The following CDH13 variants were observed in gnomAD, a reference collection of about 807,000 sequenced individuals.
CDH13 encodes the protein cadherin-13.
A neutral mutation model predicts 63.8 loss-of-function variants in CDH13; 24 were observed. The ratio of observed to expected loss-of-function variants is 0.38; its 90% CI spans 0.27 to 0.53. CDH13 has a LOEUF of 0.53. Among genes scored for constraint, CDH13 ranks in the 20% least tolerant of loss-of-function variants. The probability of loss-of-function intolerance (pLI) is 0.85; values close to 1 mark genes in which losing one functional copy is unlikely to be tolerated. For missense variants in CDH13, 1,049 were observed against 903.1 expected, an observed-to-expected ratio of 1.16 and a Z score of -2.07; for synonymous variants, 503 against 355.3, an observed-to-expected ratio of 1.42 and a Z score of -4.67.
intron 1 of CDH13, among the ~76,000 whole-genome samples, chr16:82,817,553 C>T (rs1333983363): frequency 6.6e-6 from 1 of 152,226 alleles, no homozygotes; most frequent in East Asian, 1.9e-4. Context: ...CCTGTAACTC[C>T]AGCACTTTGG....
At chr16:82,937,704 A>G (rs1156415562) in intron 2 of CDH13, among the ~76,000 whole-genome samples, 1 of 152,214 alleles carries the variant, frequency 6.6e-6, no homozygotes, top group Non-Finnish European at 1.5e-5. Flanking sequence ...CATTTTTTCT[A>G]TGAACCAAAT....
intron 13 of CDH13, among the ~76,000 whole-genome samples, chr16:83,788,921 C>T (rs1017291627): frequency 1.3e-5 from 2 of 152,132 alleles, no homozygotes; most frequent in Non-Finnish European, 2.9e-5. Context: ...ACAGTAGTTT[C>T]AGCCCCCAAA....
In CDH13 at chr16:83,309,718, C is replaced by G. The variant is rs534063995; in HGVS notation, c.637-35144C>G. Among the ~76,000 whole-genome samples, 4 of 152,338 alleles carry G rather than the reference C, an allele frequency of 2.6e-5. No individual in the cohort carries two copies. In the South Asian group the frequency reaches 8.3e-4, roughly 32 times the overall value. The stretch of plus-strand genomic sequence containing the variant: ...GAATGTCCTGTTGCAATCCTTAGAG[C>G]ACCTGTACTCAGGGTATGGAAGCAC... On this transcript the variant is annotated intron_variant, in intron 5 of 13. Transcript: ENST00000567109.
At chr16:83,186,130 ATTTTATTTTAT>A (rs1160111248) in intron 4 of CDH13, among the ~76,000 whole-genome samples, 3 of 144,396 alleles carry the variant, frequency 2.1e-5, no homozygotes, top group African/African-American at 7.7e-5. Context: ...ATTTTATTTT[ATTTTATTTTAT>A]TTTATTTTAT....
chr16:83,435,471 G>T (rs559254658), intron 6 of CDH13, among the ~76,000 whole-genome samples: 1 of 152,030 alleles, frequency 6.6e-6, no homozygotes, highest in African/African-American at 2.4e-5. Context: ...CTCTGATGTG[G>T]TCCAGCCCTG....
chr16:83,719,863 T>G (rs1043139367), intron 10 of CDH13, among the ~76,000 whole-genome samples: 1 of 152,148 alleles, frequency 6.6e-6, no homozygotes, highest in Non-Finnish European at 1.5e-5. Flanking sequence ...GGGGCAGAAT[T>G]TCCCTGGTCT....
Position 83,201,679 on chromosome 16 carries a change from C to T in CDH13, c.484-15666C>T, listed in dbSNP as rs190173928. ...TTGGGAGGCTGAGGCGGGCAGGTCA[C>T]GAGGTCAGGAGATCGAGACCATCCC... is the stretch of plus-strand genomic sequence containing the variant. On this transcript the variant is annotated intron_variant, in intron 4 of 13. Transcript: ENST00000567109. Among the ~76,000 whole-genome samples, 8 of 151,172 alleles carry T rather than the reference C, an allele frequency of 5.3e-5. No homozygotes were observed. The East Asian group carries it at 5.8e-4, about 11-fold the overall frequency.
intron 6 of CDH13, among the ~76,000 whole-genome samples, chr16:83,425,532 C>T (rs1428795947): frequency 6.6e-6 from 1 of 152,256 alleles, no homozygotes; most frequent in Non-Finnish European, 1.5e-5. Context: ...CCATAACTCC[C>T]CTTTTAGCTC....
intron 1 of CDH13, among the ~76,000 whole-genome samples, chr16:82,728,246 G>A (rs1262088937): frequency 1.3e-5 from 2 of 152,070 alleles, no homozygotes; most frequent in Non-Finnish European, 2.9e-5. Context: ...TCCTTCAATG[G>A]CACCCCATTT....
At chr16:83,108,537 C>G (rs764004866) in intron 3 of CDH13, among the ~76,000 whole-genome samples, 1 of 152,228 alleles carries the variant, frequency 6.6e-6, no homozygotes, top group Admixed American at 6.5e-5. Context: ...CTCCTCCCCA[C>G]TGCAAAGGGC....
intron 7 of CDH13, among the ~76,000 whole-genome samples, chr16:83,506,847 C>T (rs75011504): frequency 8.5e-5 from 13 of 152,094 alleles, no homozygotes; most frequent in Admixed American, 7.2e-4. Context: ...ATTCTTTAGC[C>T]GTATGTGTGA....
chr16:82,826,908 C>G (rs1051102970), intron 1 of CDH13, among the ~76,000 whole-genome samples: 1 of 152,210 alleles, frequency 6.6e-6, no homozygotes, highest in African/African-American at 2.4e-5. Flanking sequence ...AGAAAGACTA[C>G]AGTCGACTCT....
intron 5 of CDH13, among the ~76,000 whole-genome samples, chr16:83,268,431 G>C (rs2088691333): frequency 6.6e-6 from 1 of 152,158 alleles, no homozygotes; most frequent in Admixed American, 6.5e-5. Flanking sequence ...TGTTACTACA[G>C]TTACCACATT....
intron 11 of CDH13, among the ~76,000 whole-genome samples, chr16:83,768,416 C>A (rs1376084636): frequency 6.6e-6 from 1 of 152,122 alleles, no homozygotes; most frequent in Non-Finnish European, 1.5e-5. Flanking sequence ...ATGCACACAG[C>A]AAATCAATAT....
intron 5 of CDH13, among the ~76,000 whole-genome samples, chr16:83,277,318 G>C (rs1559439): frequency 0.62 from 94,872 of 152,018 alleles, 31,214 homozygotes; most frequent in East Asian, 0.81. Context: ...AAGGTTGTCA[G>C]ATAACTATGT....
intron 10 of CDH13, chr16:83,726,099 A>G (rs1598594943): frequency 1.3e-5 from 2 of 152,244 alleles, no homozygotes; most frequent in South Asian, 2.1e-4. Context: ...TCATGTAGAG[A>G]AAACTGGACC....
intron 2 of CDH13, among the ~76,000 whole-genome samples, chr16:82,943,763 C>G (rs953408234): frequency 6.6e-6 from 1 of 152,250 alleles, no homozygotes; most frequent in African/African-American, 2.4e-5. Flanking sequence ...ATCAATTACA[C>G]AGATGTCTCT....
chr16:82,970,382 CTTTTTTTT>C (rs558393653), intron 2 of CDH13, among the ~76,000 whole-genome samples: 7 of 76,750 alleles, frequency 9.1e-5, no homozygotes, highest in Admixed American at 5.5e-4. Flanking sequence ...AGTGCATATT[CTTTTTTTT>C]TTTTTTTTTT....
At chr16:82,660,726 A>G (rs1019228651) in intron 1 of CDH13, among the ~76,000 whole-genome samples, 4 of 152,192 alleles carry the variant, frequency 2.6e-5, no homozygotes, top group Non-Finnish European at 4.4e-5. Flanking sequence ...GAAAGGGAGC[A>G]AAGAAAAATG....
Sources: allele counts gnomAD v4.1 joint callset (sites outside exome capture counted in the v4.1 genomes callset), GRCh38; gene constraint gnomAD v4.1.1; transcripts MANE v1.5; gene names NCBI Gene and HGNC (gene_info 2026-07-23, HGNC 2026-07-21).